DYM: variants seen among roughly 807,000 people sequenced by gnomAD.
DYM encodes the protein dyggve-Melchior-Clausen syndrome protein.
DYM carries 78 observed loss-of-function variants against 93.1 expected under a neutral mutation model. The ratio of observed to expected loss-of-function variants is 0.84; its 90% CI spans 0.70 to 1.01. The LOEUF (loss-of-function observed/expected upper bound fraction) is 1.01. Ranked by LOEUF, DYM falls within the 50% of genes least tolerant of loss-of-function variation. The pLI is 0.00. For synonymous variants in DYM, 321 were observed against 319.7 expected (o/e 1.00, Z -0.04); for missense variants, 789 against 845.0 (o/e 0.93, Z 0.82).
intron 2 of DYM, among the ~76,000 whole-genome samples, chr18:49,420,603 G>C (rs2073563424): frequency 6.6e-6 from 1 of 152,182 alleles, no homozygotes; most frequent in Non-Finnish European, 1.5e-5. Context: ...CAACACAGAA[G>C]ACGGGTGATT....
At chr18:49,282,562 G>A (rs747641707) in intron 9 of DYM, among the ~76,000 whole-genome samples, 8 of 152,174 alleles carry the variant, frequency 5.3e-5, no homozygotes, top group Admixed American at 2.6e-4. Context: ...GCAGTGAGCC[G>A]AGCTCACGCC....
chr18:49,253,904 A>T (rs2145048415), intron 13 of DYM, among the ~76,000 whole-genome samples: 1 of 152,122 alleles, frequency 6.6e-6, no homozygotes, highest in East Asian at 1.9e-4. Context: ...TGTGAGTCCA[A>T]CCCTTAAGCC....
chr18:49,286,424 T>C lies in DYM; in HGVS notation c.946+10A>G, dbSNP rs2059666943. Reference sequence around the variant, plus strand: ...ATTACAAAGAATATTAGAGAAAAAATACCACAAACCTTGTGTGTTCTTGAA... The same window carrying C: ...ATTACAAAGAATATTAGAGAAAAAACACCACAAACCTTGTGTGTTCTTGAA... On this transcript the variant is annotated intron_variant, in intron 9 of 17. Coordinates refer to ENST00000675505, the MANE Select transcript of DYM (RefSeq NM_001353214.3). 6.2e-7 allele frequency: 1 copy of C among 1,613,884 alleles called. No homozygotes were observed. Among genetic ancestry groups the C allele is most frequent in the Non-Finnish European group, 8.5e-7 (1 of 1,179,856 alleles).
chr18:49,075,415 T>A (rs553417545), intron 17 of DYM, among the ~76,000 whole-genome samples: 3 of 152,268 alleles, frequency 2.0e-5, no homozygotes, highest in African/African-American at 7.2e-5. Context: ...TTACTCCTTA[T>A]CCCTCTCTTC....
chr18:49,347,762 G>C (rs1300018818), intron 6 of DYM, among the ~76,000 whole-genome samples: 1 of 152,146 alleles, frequency 6.6e-6, no homozygotes, highest in Non-Finnish European at 1.5e-5. Context: ...TCAGGAAAAA[G>C]AGCCAGAGAG....
chr18:49,421,704 T>G (rs1374877662), intron 2 of DYM, among the ~76,000 whole-genome samples: 16 of 152,140 alleles, frequency 1.1e-4, no homozygotes, highest in Admixed American at 2.0e-4. Flanking sequence ...AACAAACTTC[T>G]CCGAGCTAAA....
intron 16 of DYM, among the ~76,000 whole-genome samples, chr18:49,102,325 C>G (rs549921859): frequency 6.6e-6 from 1 of 152,248 alleles, no homozygotes; most frequent in African/African-American, 2.4e-5. Flanking sequence ...TTTATGTTCA[C>G]CTTAAATTTG....
At chr18:49,332,692 A>C (rs184683768) in intron 7 of DYM, among the ~76,000 whole-genome samples, 179 of 152,322 alleles carry the variant, frequency 1.2e-3, no homozygotes, top group Non-Finnish European at 2.0e-3. Flanking sequence ...GATGAACCCC[A>C]AAAATAAGTA....
At position 49,422,957 on chromosome 18, in the gene DYM, C is replaced by A. The variant is rs934663137; in HGVS notation, c.140+7298G>T. On this transcript the variant is annotated intron_variant, in intron 2 of 17. Transcript: ENST00000675505. Reference sequence around the variant, plus strand: ...CCACACAATAATAATGGGAGACTTTCACACCCCACTGTCAACATTAGACAG... The same window carrying A: ...CCACACAATAATAATGGGAGACTTTAACACCCCACTGTCAACATTAGACAG... Among the ~76,000 whole-genome samples, 7 of 152,198 alleles carry A rather than the reference C, an allele frequency of 4.6e-5. No homozygotes were observed. In the Middle Eastern group the frequency reaches 0.014, roughly 296 times the overall value.
rs550064400 is a variant in DYM at position 49,056,749 on chromosome 18, A to G, written c.2026-12545T>C. 2.1e-3 allele frequency among the ~76,000 whole-genome samples: 311 copies of G among 150,192 alleles called. 2 individuals carry two copies. Among genetic ancestry groups the G allele is most frequent in the African/African-American group, 4.8e-3 (195 of 40,802 alleles). On this transcript the variant is annotated intron_variant, in intron 17 of 17. Coordinates refer to ENST00000675505, the MANE Select transcript of DYM (RefSeq NM_001353214.3). ...TTTTTAGTAGAGACGGGGTTTCACC[A>G]TGTTAGCCAGGATGGTCTCGATCTC... is the stretch of plus-strand genomic sequence containing the variant.
At chr18:49,394,691 T>G (rs2069824268) in intron 2 of DYM, among the ~76,000 whole-genome samples, 1 of 152,224 alleles carries the variant, frequency 6.6e-6, no homozygotes, top group Non-Finnish European at 1.5e-5. Flanking sequence ...TATTTATGTC[T>G]TCTTCAATTT....
At position 49,039,836 on chromosome 18, in the gene DYM, C is replaced by A. The variant is rs571524370; in HGVS notation, c.*4219G>T. Among the ~76,000 whole-genome samples, 1 of 152,208 alleles carries A rather than the reference C, an allele frequency of 6.6e-6. No homozygotes were observed. Among genetic ancestry groups the A allele is most frequent in the Non-Finnish European group, 1.5e-5 (1 of 68,040 alleles). On this transcript the variant is annotated 3_prime_UTR_variant, in exon 18 of 18. Coordinates refer to ENST00000675505, the MANE Select transcript of DYM (RefSeq NM_001353214.3). ...ATAGCTGTTTTAAATTCTGCGACAA[C>A]TTTATCTGGAGTCTGTTTGGATATT...
At chr18:49,132,804 T>A (rs1034089264) in intron 15 of DYM, among the ~76,000 whole-genome samples, 4 of 152,136 alleles carry the variant, frequency 2.6e-5, no homozygotes, top group Non-Finnish European at 5.9e-5. Context: ...GTACTCATAG[T>A]AAATATTCAA....
chr18:49,212,555 T>C (rs73443804), intron 13 of DYM, among the ~76,000 whole-genome samples: 54 of 152,160 alleles, frequency 3.5e-4, no homozygotes, highest in African/African-American at 1.2e-3. Context: ...TGGAGTACAG[T>C]GCCACAATCA....
At chr18:49,236,495 T>TA (rs1417709843) in intron 13 of DYM, among the ~76,000 whole-genome samples, 1 of 144,894 alleles carries the variant, frequency 6.9e-6, no homozygotes, top group East Asian at 2.0e-4. Context: ...AAAAAATAAA[T>TA]AAATAAATAA....
intron 15 of DYM, among the ~76,000 whole-genome samples, chr18:49,137,862 C>T (rs560426025): frequency 3.9e-5 from 6 of 152,116 alleles, no homozygotes; most frequent in South Asian, 2.1e-4. Context: ...CCTTGGGAAG[C>T]GCCTAAATGT....
chr18:49,279,057 C>T (rs1020350762), intron 10 of DYM, among the ~76,000 whole-genome samples: 4 of 152,084 alleles, frequency 2.6e-5, no homozygotes, highest in Admixed American at 6.6e-5. Flanking sequence ...CACTTGGATT[C>T]GCCCTAGACA....
intron 17 of DYM, among the ~76,000 whole-genome samples, chr18:49,086,963 G>A (rs553077718): frequency 8.6e-5 from 13 of 151,944 alleles, no homozygotes; most frequent in African/African-American, 2.4e-4. Flanking sequence ...ACTCTAGCCC[G>A]GGTAACAGAG....
Position 49,044,897 on chromosome 18 carries a change from C to T in DYM, c.2026-693G>A, listed in dbSNP as rs534466758. Among the ~76,000 whole-genome samples, 42 of 152,394 alleles carry T rather than the reference C, an allele frequency of 2.8e-4. 1 individual carries two copies. In the South Asian group the frequency reaches 8.1e-3, roughly 29 times the overall value. On this transcript the variant is annotated intron_variant, in intron 17 of 17. Transcript: ENST00000675505. ...GCCCTGGTCTGCAAACTCCAGTCCTCTGTTATGTAAGGAGTCGTGCAGCTC... is the reference window on the plus strand; with the variant it reads ...GCCCTGGTCTGCAAACTCCAGTCCTTTGTTATGTAAGGAGTCGTGCAGCTC...
Sources: allele counts gnomAD v4.1 joint callset (sites outside exome capture counted in the v4.1 genomes callset), GRCh38; gene constraint gnomAD v4.1.1; transcripts MANE v1.5; gene names NCBI Gene and HGNC (gene_info 2026-07-23, HGNC 2026-07-21).